Variants in C10orf90 observed in about 807,000 individuals in gnomAD.
C10orf90 encodes the protein chromosome 10 open reading frame 90.
C10orf90 carries 56 observed loss-of-function variants against 62.5 expected under a neutral mutation model. That is an observed-to-expected ratio of 0.90 (90% CI 0.72 to 1.12). The LOEUF (loss-of-function observed/expected upper bound fraction) is 1.12, where lower values mean the gene tolerates loss of function less well. Ranked by LOEUF, C10orf90 falls within the 50% of genes most tolerant of loss-of-function variation. The pLI, the probability that C10orf90 is intolerant of heterozygous loss-of-function variation, is 0.00. For missense variants in C10orf90, 970 were observed against 880.4 expected (o/e 1.10, Z -1.29); for synonymous variants, 386 against 340.4 (o/e 1.13, Z -1.47).
intron 2 of C10orf90, among the ~76,000 whole-genome samples, chr10:126,640,243 C>T (rs1474397322): frequency 6.6e-6 from 1 of 152,240 alleles, no homozygotes; most frequent in Non-Finnish European, 1.5e-5. Context: ...AGCCTCTGTC[C>T]CTCTCAACAA....
At chr10:126,602,481 G>T (rs1845216729) in intron 2 of C10orf90, among the ~76,000 whole-genome samples, 1 of 152,126 alleles carries the variant, frequency 6.6e-6, no homozygotes, top group Non-Finnish European at 1.5e-5. Flanking sequence ...ATCATAACAG[G>T]GTGGTTCCAC....
chr10:126,444,406 C>T (rs1411656251), intron 7 of C10orf90, among the ~76,000 whole-genome samples: 1 of 151,996 alleles, frequency 6.6e-6, no homozygotes, highest in Non-Finnish European at 1.5e-5. Context: ...AAATCAAGAG[C>T]TCAACCCCTT....
chr10:126,441,487 T>C (rs1382762437), intron 7 of C10orf90, among the ~76,000 whole-genome samples: 2 of 152,278 alleles, frequency 1.3e-5, no homozygotes, highest in South Asian at 2.1e-4. Context: ...AAAACTTCCC[T>C]GGCCTTGCTA....
chr10:126,502,236 T>C (rs1448742820), intron 4 of C10orf90, among the ~76,000 whole-genome samples: 4 of 152,204 alleles, frequency 2.6e-5, no homozygotes, highest in African/African-American at 9.7e-5. Flanking sequence ...GAACCACTTG[T>C]ACTCCCAAAG....
At chr10:126,670,008 A>ATG (rs1846715356) in intron 1 of C10orf90, among the ~76,000 whole-genome samples, 1 of 152,202 alleles carries the variant, frequency 6.6e-6, no homozygotes, top group Non-Finnish European at 1.5e-5. Flanking sequence ...AAATGCAGAC[A>ATG]TGTGTCATCG....
chr10:126,425,721 GT>G lies in C10orf90; in HGVS notation c.*142del. The G allele has an allele frequency of 1.2e-6, 1 of 800,160 alleles. No homozygotes were observed. Among genetic ancestry groups the G allele is most frequent in the South Asian group, 1.9e-5 (1 of 53,054 alleles). The allele number at this position is 800,160 out of a possible 1,614,324, so 49.6% of individuals were successfully genotyped here. On this transcript the variant is annotated 3_prime_UTR_variant, in exon 10 of 10. Coordinates refer to ENST00000488181, the MANE Select transcript of C10orf90 (RefSeq NM_001350921.2). ...TTGGCTTGGGTCAGTAATTCAGGAA[GT>G]GATGTTTTCCTTTATGGAAAAAAAA...
intron 7 of C10orf90, 76 bp downstream of exon 7, chr10:126,458,964 C>A (rs1859767412): frequency 8.8e-6 from 13 of 1,479,894 alleles, no homozygotes; most frequent in Non-Finnish European, 1.2e-5. Context: ...AGCCATCACC[C>A]CTGAGTGAAG....
At chr10:126,530,528 A>G (rs1487673189) in intron 2 of C10orf90, among the ~76,000 whole-genome samples, 1 of 152,194 alleles carries the variant, frequency 6.6e-6, no homozygotes, top group Non-Finnish European at 1.5e-5. Flanking sequence ...AAATGATACA[A>G]TATGAAACAG....
chr10:126,661,769 A>AT (rs1329957490), intron 1 of C10orf90, among the ~76,000 whole-genome samples: 1 of 150,820 alleles, frequency 6.6e-6, no homozygotes, highest in Non-Finnish European at 1.5e-5. Context: ...TAAAATTTCC[A>AT]TTTTAGATAG....
rs1340720889 is a variant in C10orf90, at chr10:126,453,840, AAC to A, written c.2188+5198_2188+5199del. ...AGGATTTTATAGCACAGAGAGGAGG[AAC>A]AGACAGGCTTCTCTCAGGTGGTTTG... On this transcript the variant is annotated intron_variant, in intron 7 of 9. Coordinates refer to ENST00000488181, the MANE Select transcript of C10orf90 (RefSeq NM_001350921.2). This position sits in a 1 kb window ranked among gnomAD's most constrained non-coding sequence, Gnocchi z 4.9. Among the ~76,000 whole-genome samples the A allele has an allele frequency of 6.6e-6, 1 of 152,170 alleles. No individual in the cohort carries two copies. The highest frequency in any genetic ancestry group is 1.5e-5 in the Non-Finnish European group (1 of 67,998).
intron 4 of C10orf90, among the ~76,000 whole-genome samples, chr10:126,497,628 C>G (rs183613768): frequency 1.3e-5 from 2 of 152,314 alleles, no homozygotes; most frequent in Admixed American, 1.3e-4. Context: ...ACCTCGCAGG[C>G]AAGTGACCTG....
At chr10:126,641,916 G>A (rs1448743678) in intron 2 of C10orf90, among the ~76,000 whole-genome samples, 3 of 152,148 alleles carry the variant, frequency 2.0e-5, no homozygotes, top group Non-Finnish European at 4.4e-5. Flanking sequence ...ACCCTTCCCA[G>A]TCTTGGAATT....
intron 2 of C10orf90, among the ~76,000 whole-genome samples, chr10:126,638,852 G>A (rs1029789675): frequency 3.9e-5 from 6 of 152,172 alleles, no homozygotes; most frequent in Non-Finnish European, 7.3e-5. Context: ...AGCCATGAGC[G>A]TATGTGGCTA....
chr10:126,577,587 T>C (rs1051541189), intron 2 of C10orf90, among the ~76,000 whole-genome samples: 2 of 152,066 alleles, frequency 1.3e-5, no homozygotes, highest in African/African-American at 4.8e-5. Flanking sequence ...TGTAAAGATG[T>C]TCCTTCTTTC....
chr10:126,477,002 C>T (rs1448694807), intron 4 of C10orf90, among the ~76,000 whole-genome samples: 1 of 147,124 alleles, frequency 6.8e-6, no homozygotes, highest in Admixed American at 6.8e-5. Context: ...CTCCGCCTAC[C>T]GGGTTCACGC....
At chr10:126,467,497 T>C (rs1278947569) in intron 4 of C10orf90, among the ~76,000 whole-genome samples, 2 of 152,124 alleles carry the variant, frequency 1.3e-5, no homozygotes, top group African/African-American at 4.8e-5. Context: ...ATCACCCCAC[T>C]GAGGACCCAC....
rs1214247100 is a variant in C10orf90 at position 126,456,749 on chromosome 10, C to G, written c.2188+2291G>C. Among the ~76,000 whole-genome samples, 2 of 152,096 alleles carry G rather than the reference C, an allele frequency of 1.3e-5. No individual in the cohort carries two copies. The highest frequency in any genetic ancestry group is 6.6e-5 in the Admixed American group (1 of 15,266). On this transcript the variant is annotated intron_variant, in intron 7 of 9. Transcript: ENST00000488181. This position sits in a 1 kb window ranked among gnomAD's most constrained non-coding sequence, Gnocchi z 4.9. ...AAAAGGAAATTTGAACATAGAGACA[C>G]AGACGCAGGGAGGATGGCCATGTGG...
At chr10:126,562,477 A>G (rs1246597031) in intron 2 of C10orf90, among the ~76,000 whole-genome samples, 1 of 152,162 alleles carries the variant, frequency 6.6e-6, no homozygotes, top group Non-Finnish European at 1.5e-5. Flanking sequence ...ACAGTCCCAG[A>G]CAAGCCAGCT....
At chr10:126,661,514 T>G (rs1846511106) in intron 1 of C10orf90, among the ~76,000 whole-genome samples, 1 of 152,180 alleles carries the variant, frequency 6.6e-6, no homozygotes, top group South Asian at 2.1e-4. Flanking sequence ...CTGCCATCTC[T>G]TCTCTCCCTT....
Sources: allele counts gnomAD v4.1 joint callset (sites outside exome capture counted in the v4.1 genomes callset), GRCh38; gene constraint gnomAD v4.1.1; non-coding constraint Gnocchi (gnomAD v3.1); transcripts MANE v1.5; gene names NCBI Gene and HGNC (gene_info 2026-07-23, HGNC 2026-07-21).